The following GNAI1 variants were observed in gnomAD, a reference collection of about 807,000 sequenced individuals.
GNAI1 encodes the protein guanine nucleotide-binding protein G(i) subunit alpha-1.
A neutral mutation model predicts 38.9 loss-of-function variants in GNAI1; 11 were observed. The observed-to-expected ratio is 0.28, with a 90% CI of 0.18 to 0.47. The LOEUF (loss-of-function observed/expected upper bound fraction) is 0.47. GNAI1 is among the 20% of genes least tolerant of loss of function. GNAI1 has a pLI of 0.99. For missense variants in GNAI1, 317 were observed against 436.9 expected, an observed-to-expected ratio of 0.73 and a Z score of 2.45; for synonymous variants, 166 against 145.1, an observed-to-expected ratio of 1.14 and a Z score of -1.04.
chr7:80,170,540 C>T (rs1199331360), intron 1 of GNAI1, among the ~76,000 whole-genome samples: 4 of 152,158 alleles, frequency 2.6e-5, no homozygotes, highest in Non-Finnish European at 4.4e-5. Flanking sequence ...TTTTAATTGG[C>T]TCACAGTTCT....
chr7:80,150,941 A>AT (rs1355979991), intron 1 of GNAI1, among the ~76,000 whole-genome samples: 4 of 152,086 alleles, frequency 2.6e-5, no homozygotes, highest in Admixed American at 6.5e-5. Flanking sequence ...CCTTCAGTCT[A>AT]TATCAGTCCT....
intron 1 of GNAI1, chr7:80,135,972 T>C (rs756856698): frequency 2.2e-4 from 213 of 985,170 alleles, no homozygotes; most frequent in Non-Finnish European, 2.3e-4. Context: ...GCAAGGCAGA[T>C]ACTCGAGTGG....
At chr7:80,188,880 G>T in intron 1 of GNAI1, 71 bp from the exon 2 acceptor site, 2 of 877,728 alleles carry the variant, frequency 2.3e-6, no homozygotes, top group Non-Finnish European at 3.8e-6. Flanking sequence ...GTGTGTGTTT[G>T]TGTGTTGGGA....
chr7:80,207,649 A>G (rs1332916225), intron 5 of GNAI1, among the ~76,000 whole-genome samples: 1 of 152,122 alleles, frequency 6.6e-6, no homozygotes, highest in Non-Finnish European at 1.5e-5. Flanking sequence ...GAGAGCAGAA[A>G]TGCATTTAGA....
chr7:80,221,355 G>A lies in GNAI1; in HGVS notation c.*3862G>A, dbSNP rs1584062377. Reference sequence around the variant, plus strand: ...GAGGGGAGTGTGGAATGTATAAGCCGTCAATACAATTTGCTGTTATTTGAT... The same window carrying A: ...GAGGGGAGTGTGGAATGTATAAGCCATCAATACAATTTGCTGTTATTTGAT... On this transcript the variant is annotated 3_prime_UTR_variant, in exon 8 of 8. Coordinates refer to ENST00000649796, the MANE Select transcript of GNAI1 (RefSeq NM_002069.6). 2.6e-5 allele frequency among the ~76,000 whole-genome samples: 4 copies of A among 152,260 alleles called. No individual in the cohort carries two copies. Among genetic ancestry groups the A allele is most frequent in the East Asian group, 1.9e-4 (1 of 5,174 alleles).
chr7:80,184,581 A>C (rs1788358256), intron 1 of GNAI1, among the ~76,000 whole-genome samples: 1 of 152,126 alleles, frequency 6.6e-6, no homozygotes, highest in African/African-American at 2.4e-5. Context: ...GAGCTCACTC[A>C]CCCATCTCTT....
In GNAI1 at chr7:80,221,791, C is replaced by T. The variant is rs966170104; in HGVS notation, c.*4298C>T. On this transcript the variant is annotated 3_prime_UTR_variant, in exon 8 of 8. Transcript: ENST00000649796. ...CCGAGTAGCTGGGATTACAGGCATG[C>T]GCCACTACACCCAGCTAATTTTTGT... is the stretch of plus-strand genomic sequence containing the variant. Among the ~76,000 whole-genome samples, 3 of 151,716 alleles carry T rather than the reference C, an allele frequency of 2.0e-5. No individual in the cohort carries two copies. The highest frequency in any genetic ancestry group is 2.9e-5 in the Non-Finnish European group (2 of 67,874).
At chr7:80,137,288 T>C (rs1332463984) in intron 1 of GNAI1, among the ~76,000 whole-genome samples, 6 of 106,668 alleles carry the variant, frequency 5.6e-5, no homozygotes, top group African/African-American at 2.0e-4. Flanking sequence ...TTCTTTTTCT[T>C]TTTTCTTTTT....
At chr7:80,207,936 C>T (rs1024824882) in intron 5 of GNAI1, among the ~76,000 whole-genome samples, 4 of 151,988 alleles carry the variant, frequency 2.6e-5, no homozygotes, top group Non-Finnish European at 5.9e-5. Context: ...AGATATAAAG[C>T]ATTCTTTCTA....
intron 1 of GNAI1, among the ~76,000 whole-genome samples, chr7:80,176,341 A>G (rs1788181462): frequency 1.3e-5 from 2 of 152,252 alleles, no homozygotes; most frequent in African/African-American, 2.4e-5. Flanking sequence ...TCCATAAAAT[A>G]AAAGTGCAAG....
rs1788728747 is a variant in GNAI1 at position 80,203,835 on chromosome 7, G to GA, written c.590+4dup. 1.3e-6 allele frequency: 2 copies of GA among 1,498,006 alleles called. No individual in the cohort carries two copies. Among genetic ancestry groups the GA allele is most frequent in the Admixed American group, 3.6e-5 (2 of 55,322 alleles). 92.8% of individuals were successfully genotyped at this position (1,498,006 alleles called of 1,614,324 possible). A position where few individuals can be genotyped will look rare whatever the true frequency, so the allele number is the denominator to read the frequency against. On this transcript the variant is annotated splice_donor_region_variant and intron_variant, in intron 5 of 7. Transcript: ENST00000649796. ...ACTTTCAAAGATCTTCATTTTAAGT[G>GA]AGTAGCTTTGAAATATATGATTTCT...
intron 1 of GNAI1, among the ~76,000 whole-genome samples, chr7:80,150,594 C>T (rs1487282699): frequency 6.6e-6 from 1 of 152,132 alleles, no homozygotes; most frequent in African/African-American, 2.4e-5. Context: ...TCTGAGGAGG[C>T]GGAGAGGGAA....
intron 1 of GNAI1, among the ~76,000 whole-genome samples, chr7:80,186,831 G>A (rs1235388233): frequency 6.6e-6 from 1 of 152,178 alleles, no homozygotes; most frequent in Non-Finnish European, 1.5e-5. Context: ...ACTGGAAACT[G>A]CCTAGGTTAT....
At chr7:80,205,593 T>G (rs555615144) in intron 5 of GNAI1, among the ~76,000 whole-genome samples, 2 of 152,284 alleles carry the variant, frequency 1.3e-5, no homozygotes, top group South Asian at 2.1e-4. Flanking sequence ...GTTTGTGATT[T>G]TTTTTTAAGA....
At chr7:80,136,153 G>A in intron 1 of GNAI1, 1 of 560,234 alleles carries the variant, frequency 1.8e-6, no homozygotes, top group Non-Finnish European at 2.3e-6. Context: ...AATGTTTGAC[G>A]GGGAAGAAAA....
At chr7:80,199,135 T>A in intron 3 of GNAI1, 90 bp from the exon 4 acceptor site, 1 of 219,316 alleles carries the variant, frequency 4.6e-6, no homozygotes, top group South Asian at 1.4e-4. Flanking sequence ...CGCTATTGCC[T>A]TTTTTTTTTT....
intron 1 of GNAI1, among the ~76,000 whole-genome samples, chr7:80,136,361 GAA>G (rs1758694282): frequency 6.6e-6 from 1 of 152,164 alleles, no homozygotes. Context: ...TAATAAAAAA[GAA>G]ATGTTGCACA....
chr7:80,143,833 C>T (rs1287576230), intron 1 of GNAI1, among the ~76,000 whole-genome samples: 3 of 152,014 alleles, frequency 2.0e-5, no homozygotes, highest in African/African-American at 7.3e-5. Flanking sequence ...GTGGAATCAG[C>T]CCTCCCTTGC....
chr7:80,172,509 G>A (rs1005598054), intron 1 of GNAI1, among the ~76,000 whole-genome samples: 4 of 152,062 alleles, frequency 2.6e-5, no homozygotes, highest in African/African-American at 9.7e-5. Context: ...AAAAACATAT[G>A]CTTCTATTCA....
Sources: allele counts gnomAD v4.1 joint callset (sites outside exome capture counted in the v4.1 genomes callset), GRCh38; gene constraint gnomAD v4.1.1; transcripts MANE v1.5; gene names NCBI Gene and HGNC (gene_info 2026-07-23, HGNC 2026-07-21).